The following EPHB1 variants were observed in gnomAD, a reference collection of about 807,000 sequenced individuals.
The protein encoded by EPHB1 is EPH receptor B1.
Under a neutral mutation model 94.4 loss-of-function variants are expected in EPHB1, and 30 were observed. That is an observed-to-expected ratio of 0.32 (90% confidence interval 0.24 to 0.43). The LOEUF is 0.43. Among genes scored for constraint, EPHB1 ranks in the 20% least tolerant of loss-of-function variants. The pLI, the probability that EPHB1 is intolerant of heterozygous loss-of-function variation, is 1.00. For missense variants in EPHB1, 1,055 were observed against 1,308.3 expected, an observed-to-expected ratio of 0.81 and a Z score of 2.99; for synonymous variants, 522 against 489.1, an observed-to-expected ratio of 1.07 and a Z score of -0.89.
chr3:134,846,981 T>C (rs898979782), intron 1 of EPHB1, among the ~76,000 whole-genome samples: 1 of 152,210 alleles, frequency 6.6e-6, no homozygotes, highest in Non-Finnish European at 1.5e-5. Context: ...GGGAGATTAA[T>C]AGCCCTTACC....
intron 5 of EPHB1, among the ~76,000 whole-genome samples, chr3:135,137,732 T>G (rs535137323): frequency 6.6e-6 from 1 of 152,328 alleles, no homozygotes; most frequent in Non-Finnish European, 1.5e-5. Flanking sequence ...AAAATCACTC[T>G]GTAAACTATG....
Position 135,260,376 on chromosome 3 carries a change from ATTATT to A in EPHB1, c.*1260_*1264del. 4.3e-6 allele frequency: 1 copy of A among 230,870 alleles called. No individual in the cohort carries two copies. The highest frequency in any genetic ancestry group is 8.6e-6 in the Non-Finnish European group (1 of 116,342). The allele number at this position is 230,870 out of a possible 1,614,324, so 14.3% of individuals were successfully genotyped here. A position where few individuals can be genotyped will look rare whatever the true frequency, so the allele number is the denominator to read the frequency against. On this transcript the variant is annotated 3_prime_UTR_variant, in exon 16 of 16. Transcript: ENST00000398015. Reference sequence around the variant, plus strand: ...TTTTGTAAATTCCACCTAACATTTAATTATTTTAAATTTCTCCTTTTACCTTAATC... The same window carrying A: ...TTTTGTAAATTCCACCTAACATTTAATTAAATTTCTCCTTTTACCTTAATC...
chr3:135,127,700 G>A (rs139165273), intron 4 of EPHB1, among the ~76,000 whole-genome samples: 42 of 152,152 alleles, frequency 2.8e-4, no homozygotes, highest in Admixed American at 5.2e-4. Context: ...AAACTCACCC[G>A]CTCTCTCCCA....
At chr3:135,126,501 T>C (rs1940213621) in intron 4 of EPHB1, among the ~76,000 whole-genome samples, 1 of 152,098 alleles carries the variant, frequency 6.6e-6, no homozygotes, top group South Asian at 2.1e-4. Context: ...GAAGCAGAGA[T>C]ACAGGTACAG....
chr3:135,133,212 G>T (rs1472935406), intron 5 of EPHB1, among the ~76,000 whole-genome samples, 163 bp downstream of exon 5: 2 of 152,230 alleles, frequency 1.3e-5, no homozygotes, highest in African/African-American at 2.4e-5. Context: ...CATAGAGCAG[G>T]CAGGTGTAGT....
At chr3:135,035,360 G>A (rs1576334512) in intron 3 of EPHB1, among the ~76,000 whole-genome samples, 1 of 152,200 alleles carries the variant, frequency 6.6e-6, no homozygotes, top group African/African-American at 2.4e-5. Flanking sequence ...ACAGAGTTGA[G>A]ATTTTGTTGC....
chr3:134,882,784 T>TTCTTTCTTTC (rs1161428370), intron 1 of EPHB1, among the ~76,000 whole-genome samples: 7 of 65,718 alleles, frequency 1.1e-4, no homozygotes, highest in African/African-American at 3.4e-4. Context: ...CTTTCTTTCT[T>TTCTTTCTTTC]TCTTTCTTTC....
chr3:135,232,076 A>G (rs903590848), intron 12 of EPHB1, among the ~76,000 whole-genome samples: 1 of 152,226 alleles, frequency 6.6e-6, no homozygotes, highest in African/African-American at 2.4e-5. Context: ...TTCAGCAGCC[A>G]GAAGCCATTT....
chr3:135,253,367 T>A (rs1289011002), intron 15 of EPHB1, among the ~76,000 whole-genome samples: 1 of 148,996 alleles, frequency 6.7e-6, no homozygotes. Flanking sequence ...AAGTCTTTAA[T>A]CCATCTTGAA....
intron 1 of EPHB1, among the ~76,000 whole-genome samples, chr3:134,902,553 A>G (rs1218787460): frequency 6.6e-6 from 1 of 152,244 alleles, no homozygotes; most frequent in Non-Finnish European, 1.5e-5. Context: ...AATAAACAAT[A>G]TTTTAACAGA....
intron 2 of EPHB1, among the ~76,000 whole-genome samples, chr3:134,929,669 A>G (rs1477816139): frequency 1.2e-4 from 18 of 152,208 alleles, no homozygotes; most frequent in Non-Finnish European, 1.5e-5. Flanking sequence ...GGTCTCAGTG[A>G]GGCTAAAGAA....
chr3:134,828,983 C>G (rs1245180229), intron 1 of EPHB1, among the ~76,000 whole-genome samples: 1 of 152,198 alleles, frequency 6.6e-6, no homozygotes, highest in Non-Finnish European at 1.5e-5. Flanking sequence ...TTCTGATCAC[C>G]CAGGTCATAC....
At chr3:134,830,728 G>C (rs553528240) in intron 1 of EPHB1, among the ~76,000 whole-genome samples, 2 of 152,296 alleles carry the variant, frequency 1.3e-5, no homozygotes, top group South Asian at 4.1e-4. Flanking sequence ...CGTGTTCAAG[G>C]GTTCCCTTCT....
At chr3:134,865,197 T>A (rs2037349122) in intron 1 of EPHB1, among the ~76,000 whole-genome samples, 1 of 152,178 alleles carries the variant, frequency 6.6e-6, no homozygotes, top group Non-Finnish European at 1.5e-5. Context: ...TGTAAATCAA[T>A]GTGGTATTTT....
At chr3:134,971,394 G>A (rs1296109713) in intron 3 of EPHB1, among the ~76,000 whole-genome samples, 3 of 152,190 alleles carry the variant, frequency 2.0e-5, no homozygotes, top group African/African-American at 2.4e-5. Context: ...GAGTCGATGC[G>A]TGACATTCAG....
intron 1 of EPHB1, among the ~76,000 whole-genome samples, chr3:134,924,263 A>G (rs557827221): frequency 1.7e-4 from 26 of 152,362 alleles, no homozygotes; most frequent in Non-Finnish European, 2.8e-4. Flanking sequence ...TCAAAATTAA[A>G]AACTTCTGAT....
At chr3:134,821,086 A>G (rs1222073667) in intron 1 of EPHB1, among the ~76,000 whole-genome samples, 1 of 152,332 alleles carries the variant, frequency 6.6e-6, no homozygotes, top group East Asian at 1.9e-4. Context: ...CTAAAGACCC[A>G]GGAAGAGCCA....
At chr3:134,989,426 CTT>C (rs936927885) in intron 3 of EPHB1, among the ~76,000 whole-genome samples, 3 of 152,056 alleles carry the variant, frequency 2.0e-5, no homozygotes, top group African/African-American at 7.2e-5. Flanking sequence ...TTAGAAAAGA[CTT>C]TGCTTTTATT....
intron 6 of EPHB1, among the ~76,000 whole-genome samples, chr3:135,158,292 C>G (rs954234804): frequency 6.6e-6 from 1 of 152,196 alleles, no homozygotes; most frequent in Non-Finnish European, 1.5e-5. Context: ...AAGGAAGTCC[C>G]AGCCCCTCAT....
Sources: gnomAD v4.1 joint callset for allele counts (sites outside exome capture counted in the v4.1 genomes callset) on GRCh38, gnomAD v4.1.1 for gene constraint, MANE v1.5 for transcripts, NCBI Gene and HGNC (gene_info 2026-07-23, HGNC 2026-07-21) for gene names.